Variants in SCN8A observed in about 807,000 individuals in gnomAD.
The protein encoded by SCN8A is sodium voltage-gated channel alpha subunit 8.
In SCN8A, 30 loss-of-function variants were observed where a neutral mutation model predicts 184.1. That is an observed-to-expected ratio of 0.16 (90% CI 0.12 to 0.22). The LOEUF is 0.22. Among genes scored for constraint, SCN8A ranks in the 10% least tolerant of loss-of-function variants. The probability of loss-of-function intolerance (pLI) is 1.00; values close to 1 mark genes in which losing one functional copy is unlikely to be tolerated. For synonymous variants in SCN8A, 852 were observed against 907.0 expected (o/e 0.94, Z 1.09); for missense variants, 1,057 against 2,498.9 (o/e 0.42, Z 12.30).
intron 6 of SCN8A, among the ~76,000 whole-genome samples, chr12:51,695,794 A>C (rs1941582847): frequency 6.6e-6 from 1 of 152,190 alleles, no homozygotes; most frequent in Non-Finnish European, 1.5e-5. Flanking sequence ...ACTGTCTCTT[A>C]TCCTGTTCCA....
intron 1 of SCN8A, among the ~76,000 whole-genome samples, chr12:51,621,086 C>T (rs1319975556): frequency 6.6e-6 from 1 of 152,172 alleles, no homozygotes; most frequent in Non-Finnish European, 1.5e-5. Flanking sequence ...GGCTGGCTTT[C>T]TGGAAGATGT....
intron 16 of SCN8A, 99 bp from the exon 17 acceptor site, chr12:51,768,766 A>T: frequency 1.1e-6 from 1 of 876,802 alleles, no homozygotes; most frequent in Non-Finnish European, 1.7e-6. Flanking sequence ...AGCCTCTTTG[A>T]GTCTGTCACG....
At chr12:51,759,027 T>C (rs1252396016) in intron 14 of SCN8A, among the ~76,000 whole-genome samples, 1 of 151,880 alleles carries the variant, frequency 6.6e-6, no homozygotes, top group Non-Finnish European at 1.5e-5. Context: ...TGTGTGTATA[T>C]GTACAGCCAC....
At chr12:51,766,289 T>C in intron 16 of SCN8A, 1 of 529,852 alleles carries the variant, frequency 1.9e-6, no homozygotes, top group Non-Finnish European at 3.4e-6. Context: ...ATTAAGTGAC[T>C]TTCCCAAATA....
rs140755222 is a variant in SCN8A at position 51,607,177 on chromosome 12, G to A, written c.-55+15818G>A. On this transcript the variant is annotated intron_variant, in intron 1 of 26. Transcript: ENST00000627620. ...CTCCCAAAGTTCTGGGATTACAGGC[G>A]TGAGCCACCTTGCCTGGCCGGGGTT... Among the ~76,000 whole-genome samples, 822 of 152,224 alleles carry A rather than the reference G, an allele frequency of 5.4e-3. 5 individuals carry two copies. The highest frequency in any genetic ancestry group is 0.018 in the African/African-American group (732 of 41,514).
At chr12:51,744,327 T>A (rs924310531) in intron 12 of SCN8A, among the ~76,000 whole-genome samples, 2 of 152,094 alleles carry the variant, frequency 1.3e-5, no homozygotes, top group African/African-American at 4.8e-5. Context: ...CCTTAGAGAT[T>A]TGCCTGATGT....
At chr12:51,686,747 A>G (rs373987450) in intron 4 of SCN8A, among the ~76,000 whole-genome samples, 13 of 151,938 alleles carry the variant, frequency 8.6e-5, no homozygotes, top group African/African-American at 2.9e-4. Context: ...GTTTTCTCCA[A>G]TTTTAGGTTT....
chr12:51,699,631 C>A lies in SCN8A; in HGVS notation c.768C>A (p.Ile256=), dbSNP rs1231477580. ...QSVKKLSDVM[I]LTVFCLSVFA... is the part of the protein sequence containing the mutation. ...TGAAGAAACTGTCAGATGTGATGAT[C>A]CTGACAGTGTTCTGCCTGAGTGTTT... Residue 256 remains isoleucine, a synonymous_variant, in exon 7 of 27, where the codon ATC becomes ATA. Coordinates refer to ENST00000627620, the MANE Select transcript of SCN8A (RefSeq NM_001330260.2). 6.2e-7 allele frequency: 1 copy of A among 1,613,884 alleles called. No individual in the cohort carries two copies.
chr12:51,607,757 C>T (rs1298011935), intron 1 of SCN8A, among the ~76,000 whole-genome samples: 2 of 152,152 alleles, frequency 1.3e-5, no homozygotes, highest in East Asian at 3.8e-4. Context: ...TAAGCCATCC[C>T]TGCATCCTTG....
intron 2 of SCN8A, among the ~76,000 whole-genome samples, chr12:51,678,040 G>T (rs924836507): frequency 1.3e-5 from 2 of 152,216 alleles, no homozygotes; most frequent in African/African-American, 4.8e-5. Flanking sequence ...GCGTTAGAGC[G>T]TAGTGTTGAA....
At chr12:51,770,781 A>G in intron 19 of SCN8A, 98 bp downstream of exon 19, 1 of 1,270,544 alleles carries the variant, frequency 7.9e-7, no homozygotes. Context: ...GGCTCTGAAA[A>G]CAGATTGGCT....
intron 20 of SCN8A, among the ~76,000 whole-genome samples, chr12:51,775,345 T>C (rs1042297259): frequency 6.6e-6 from 1 of 152,252 alleles, no homozygotes; most frequent in Admixed American, 6.5e-5. Flanking sequence ...ATCTCTCTGA[T>C]GGCAAGTGCC....
intron 16 of SCN8A, among the ~76,000 whole-genome samples, chr12:51,766,604 GTTTTA>G (rs1015482834): frequency 2.6e-5 from 4 of 152,146 alleles, no homozygotes; most frequent in Non-Finnish European, 5.9e-5. Context: ...CCATCTTAGA[GTTTTA>G]TTTAATTTAT....
chr12:51,712,441 T>C lies in SCN8A; in HGVS notation c.1635+5726T>C, dbSNP rs375538508. The C allele has an allele frequency of 6.0e-5, 46 of 766,008 alleles. No homozygotes were observed. The African/African-American group carries it at 7.4e-4, about 12-fold the overall frequency. The allele number at this position is 766,008 out of a possible 1,614,324, so 47.5% of individuals were successfully genotyped here. A position where few individuals can be genotyped will look rare whatever the true frequency, so the allele number is the denominator to read the frequency against. On this transcript the variant is annotated intron_variant, in intron 11 of 26. Transcript: ENST00000627620. ...CCTCGCGCTCTCTCCTGCTGAGAAC[T>C]GTAGCCCTTTTCTGCTGTTTTTAGA...
chr12:51,668,090 G>A (rs558536774), intron 2 of SCN8A, among the ~76,000 whole-genome samples: 2 of 151,946 alleles, frequency 1.3e-5, no homozygotes, highest in East Asian at 3.9e-4. Flanking sequence ...GGCTGAGGCA[G>A]GAGAATCGCT....
chr12:51,657,759 T>C (rs1236836364), intron 1 of SCN8A, among the ~76,000 whole-genome samples: 2 of 152,028 alleles, frequency 1.3e-5, no homozygotes, highest in Non-Finnish European at 2.9e-5. Flanking sequence ...CATACTTACA[T>C]GTAAGTCCTT....
chr12:51,648,532 A>T (rs757991546), intron 1 of SCN8A, among the ~76,000 whole-genome samples: 36 of 152,248 alleles, frequency 2.4e-4, no homozygotes, highest in African/African-American at 8.2e-4. Context: ...TCACAGTTCC[A>T]TATGGCTGGG....
At chr12:51,597,001 G>T (rs541402058) in intron 1 of SCN8A, among the ~76,000 whole-genome samples, 1 of 152,264 alleles carries the variant, frequency 6.6e-6, no homozygotes, top group Non-Finnish European at 1.5e-5. Context: ...CGGGCAGCAA[G>T]TTGGGGCCAA....
chr12:51,595,795 A>T (rs1382003970), intron 1 of SCN8A, among the ~76,000 whole-genome samples: 1 of 152,180 alleles, frequency 6.6e-6, no homozygotes, highest in Non-Finnish European at 1.5e-5. Context: ...TATGTACTGT[A>T]TTGAATTTCA....
Sources: gnomAD v4.1 joint callset for allele counts (sites outside exome capture counted in the v4.1 genomes callset) on GRCh38, gnomAD v4.1.1 for gene constraint, MANE v1.5 for transcripts, NCBI Gene and HGNC (gene_info 2026-07-23, HGNC 2026-07-21) for gene names.